SLCO6A1: variants seen among roughly 807,000 people sequenced by gnomAD.
The protein encoded by SLCO6A1 is cancer/testis antigen 48.
In SLCO6A1, 65 loss-of-function variants were observed where a neutral mutation model predicts 72.7. The observed-to-expected ratio is 0.89, with a 90% CI of 0.73 to 1.10. SLCO6A1 has a LOEUF of 1.10. Among genes scored for constraint, SLCO6A1 ranks in the 50% least tolerant of loss-of-function variants. The pLI is 0.00. For missense variants in SLCO6A1, 874 were observed against 872.6 expected, an observed-to-expected ratio of 1.00 and a Z score of -0.02; for synonymous variants, 314 against 298.2, an observed-to-expected ratio of 1.05 and a Z score of -0.55.
chr5:102,490,742 T>C (rs1752635238), intron 1 of SLCO6A1, among the ~76,000 whole-genome samples: 1 of 151,500 alleles, frequency 6.6e-6, no homozygotes, highest in South Asian at 2.1e-4. Context: ...ACATCTGGAG[T>C]TGTTCGTTCC....
At chr5:102,373,192 ATAT>A (rs1359768048) in intron 13 of SLCO6A1, 142 bp downstream of exon 13, 7 of 397,512 alleles carry the variant, frequency 1.8e-5, no homozygotes, top group Non-Finnish European at 1.9e-5. Flanking sequence ...AACACAGACT[ATAT>A]TATTATATTT....
intron 7 of SLCO6A1, among the ~76,000 whole-genome samples, chr5:102,422,979 T>C (rs1748689651): frequency 6.6e-6 from 1 of 152,170 alleles, no homozygotes; most frequent in Non-Finnish European, 1.5e-5. Context: ...TTCAACATTC[T>C]TAAAGAAAAT....
intron 1 of SLCO6A1, among the ~76,000 whole-genome samples, chr5:102,490,875 G>C (rs970195907): frequency 6.6e-6 from 1 of 152,164 alleles, no homozygotes. Flanking sequence ...TTACTGCAGA[G>C]AGCGAAAGAA....
At chr5:102,380,042 T>C (rs1292564349) in intron 12 of SLCO6A1, among the ~76,000 whole-genome samples, 1 of 152,028 alleles carries the variant, frequency 6.6e-6, no homozygotes, top group Non-Finnish European at 1.5e-5. Context: ...GGAAACAAAA[T>C]TGATTTGGTA....
intron 1 of SLCO6A1, among the ~76,000 whole-genome samples, chr5:102,485,798 C>G (rs1580518234): frequency 1.3e-5 from 2 of 152,086 alleles, no homozygotes; most frequent in African/African-American, 4.8e-5. Flanking sequence ...TGTGAAGTCC[C>G]AGGGAATCAT....
chr5:102,384,334 T>C (rs929516979), intron 12 of SLCO6A1, among the ~76,000 whole-genome samples: 4 of 152,132 alleles, frequency 2.6e-5, no homozygotes, highest in East Asian at 1.9e-4. Context: ...AAAGTAATTA[T>C]TGATAGTTAA....
rs756000135 is a variant in SLCO6A1, at chr5:102,477,832, C to T, written c.646G>A (p.Gly216Ser). ...AATGATATACCACTGCTCTGGCAACCACTGACAACCTTTATTTCTTCGCAA... is the reference window on the plus strand; with the variant it reads ...AATGATATACCACTGCTCTGGCAACTACTGACAACCTTTATTTCTTCGCAA... The part of the protein sequence containing the change: ...DICEEIKVVS[G>S]CQSSGISFQS... The change falls in exon 3 of 14, where the codon GGT becomes AGT. Residue 216 changes from glycine to serine, a missense_variant. Physicochemically the swap from Gly to Ser is moderately conservative, Grantham distance 56 (BLOSUM62 0). Coordinates refer to ENST00000506729, the MANE Select transcript of SLCO6A1 (RefSeq NM_173488.5). 2 of 1,606,706 alleles carry T rather than the reference C, an allele frequency of 1.2e-6. No homozygotes were observed. The highest frequency in any genetic ancestry group is 2.2e-5 in the East Asian group (1 of 44,812).
chr5:102,480,514 A>AATTAGCCAGGC, intron 1 of SLCO6A1, 80 bp from the exon 2 acceptor site: 1 of 1,301,320 alleles, frequency 7.7e-7, no homozygotes, highest in Non-Finnish European at 1.1e-6. Flanking sequence ...CAAAATTTAA[A>AATTAGCCAGGC]TTACATGATG....
In SLCO6A1 at chr5:102,480,202, A is replaced by G. The variant is rs1160578471; in HGVS notation, c.591T>C (p.Asn197=). The G allele has an allele frequency of 6.2e-7, 1 of 1,609,788 alleles. No homozygotes were observed. The highest frequency in any genetic ancestry group is 8.5e-7 in the Non-Finnish European group (1 of 1,177,742). Residue 197 remains asparagine (N), a synonymous_variant, in exon 2 of 14, where the codon AAT becomes AAC. Transcript: ENST00000506729. ...LCAFPSINEE[N]KQSKVGIEDI... ...CTTCAATTCCTACCTTACTTTGTTT[A>G]TTTTCTTCATTAATGGATGGAAAAG...
intron 6 of SLCO6A1, among the ~76,000 whole-genome samples, chr5:102,449,569 G>C (rs1750301972): frequency 6.6e-6 from 1 of 151,984 alleles, no homozygotes; most frequent in Admixed American, 6.6e-5. Context: ...TGTATTTTTA[G>C]TAGAAATGGG....
chr5:102,490,643 G>A (rs1752630890), intron 1 of SLCO6A1, among the ~76,000 whole-genome samples: 1 of 152,158 alleles, frequency 6.6e-6, no homozygotes, highest in Non-Finnish European at 1.5e-5. Context: ...TGTGTTCCGA[G>A]TTTCTTCCTT....
At chr5:102,419,747 GGATA>G (rs781368354) in intron 8 of SLCO6A1, 75 bp downstream of exon 8, 25 of 1,116,526 alleles carry the variant, frequency 2.2e-5, no homozygotes, top group Middle Eastern at 2.9e-4. Flanking sequence ...AAGGGTTACT[GGATA>G]GATAATTATT....
intron 6 of SLCO6A1, among the ~76,000 whole-genome samples, chr5:102,445,062 A>G (rs949415557): frequency 1.2e-4 from 18 of 152,144 alleles, no homozygotes; most frequent in African/African-American, 4.3e-4. Context: ...TGATAGAACA[A>G]TTTATATTCC....
chr5:102,421,460 G>A (rs1162068007), intron 7 of SLCO6A1, among the ~76,000 whole-genome samples: 1 of 152,128 alleles, frequency 6.6e-6, no homozygotes, highest in Non-Finnish European at 1.5e-5. Flanking sequence ...CATTACTGAG[G>A]CTTGAGTAGG....
chr5:102,469,269 C>T (rs993028398), intron 4 of SLCO6A1, among the ~76,000 whole-genome samples: 8 of 152,044 alleles, frequency 5.3e-5, no homozygotes, highest in African/African-American at 1.4e-4. Flanking sequence ...GCTATTTTCA[C>T]GATACTGATT....
At chr5:102,428,060 C>A (rs1749011277) in intron 7 of SLCO6A1, among the ~76,000 whole-genome samples, 1 of 150,704 alleles carries the variant, frequency 6.6e-6, no homozygotes. Flanking sequence ...TTAGTAGAGA[C>A]CGGGTTTCAC....
At chr5:102,470,492 G>T (rs957252855) in intron 4 of SLCO6A1, among the ~76,000 whole-genome samples, 1 of 152,124 alleles carries the variant, frequency 6.6e-6, no homozygotes, top group Non-Finnish European at 1.5e-5. Flanking sequence ...ATTTCTGTGG[G>T]ATCAGTGGTG....
intron 12 of SLCO6A1, among the ~76,000 whole-genome samples, chr5:102,375,068 C>A (rs1745706275): frequency 6.6e-6 from 1 of 152,044 alleles, no homozygotes; most frequent in Non-Finnish European, 1.5e-5. Flanking sequence ...AAAATACAAA[C>A]CTTTACTCTG....
intron 11 of SLCO6A1, 118 bp downstream of exon 11, chr5:102,390,863 C>A: frequency 2.5e-6 from 2 of 798,510 alleles, no homozygotes; most frequent in East Asian, 2.8e-5. Context: ...AGCAGCTCCC[C>A]CTTTCACTCG....
Sources: gnomAD v4.1 joint callset for allele counts (sites outside exome capture counted in the v4.1 genomes callset) on GRCh38, gnomAD v4.1.1 for gene constraint, MANE v1.5 for transcripts, NCBI Gene and HGNC (gene_info 2026-07-23, HGNC 2026-07-21) for gene names.